The following SNTG1 variants were observed in gnomAD, a reference collection of about 807,000 sequenced individuals.
SNTG1 encodes gamma-1-syntrophin.
In SNTG1, 39 loss-of-function variants were observed where a neutral mutation model predicts 74.7. The ratio of observed to expected loss-of-function variants is 0.52; its 90% CI spans 0.40 to 0.68. SNTG1 has a LOEUF of 0.68. Ranked by LOEUF, SNTG1 falls within the 30% of genes least tolerant of loss-of-function variation. The pLI is 0.00. For missense variants in SNTG1, 685 were observed against 609.5 expected, an observed-to-expected ratio of 1.12 and a Z score of -1.30; for synonymous variants, 254 against 217.1, an observed-to-expected ratio of 1.17 and a Z score of -1.49.
intron 2 of SNTG1, among the ~76,000 whole-genome samples, chr8:50,384,012 C>T (rs929171102): frequency 4.6e-5 from 7 of 152,062 alleles, no homozygotes; most frequent in Admixed American, 2.6e-4. Context: ...AGAATAAGGT[C>T]GCAGGTACAG....
At chr8:50,287,119 T>C (rs535114224) in intron 2 of SNTG1, among the ~76,000 whole-genome samples, 51 of 152,250 alleles carry the variant, frequency 3.3e-4, no homozygotes, top group African/African-American at 1.2e-3. Flanking sequence ...AAATACTGGG[T>C]TCCCCTAGAG....
intron 1 of SNTG1, among the ~76,000 whole-genome samples, chr8:49,975,120 A>C (rs1007099210): frequency 1.3e-5 from 2 of 152,192 alleles, no homozygotes; most frequent in African/African-American, 2.4e-5. Flanking sequence ...ATGGACCTAG[A>C]GGTGGCTATG....
At chr8:50,714,696 A>C (rs2095470921) in intron 17 of SNTG1, among the ~76,000 whole-genome samples, 1 of 152,126 alleles carries the variant, frequency 6.6e-6, no homozygotes, top group African/African-American at 2.4e-5. Flanking sequence ...ACATCAGTAC[A>C]ATTGAAAGTT....
At chr8:50,255,700 C>T (rs1002067146) in intron 2 of SNTG1, among the ~76,000 whole-genome samples, 2 of 152,148 alleles carry the variant, frequency 1.3e-5, no homozygotes, top group African/African-American at 4.8e-5. Flanking sequence ...TCCTTTTTAT[C>T]AGAACATCAT....
chr8:50,007,696 G>T (rs937749553), intron 1 of SNTG1, among the ~76,000 whole-genome samples: 1 of 152,262 alleles, frequency 6.6e-6, no homozygotes, highest in South Asian at 2.1e-4. Context: ...TGAGCTAAGA[G>T]GGTGGGGAGA....
At chr8:50,102,653 G>A (rs945517485) in intron 1 of SNTG1, among the ~76,000 whole-genome samples, 2 of 149,358 alleles carry the variant, frequency 1.3e-5, no homozygotes, top group African/African-American at 5.1e-5. Flanking sequence ...GTCCTGAATG[G>A]TAATGCCTAG....
At chr8:50,707,211 A>C (rs997530460) in intron 16 of SNTG1, among the ~76,000 whole-genome samples, 1 of 152,082 alleles carries the variant, frequency 6.6e-6, no homozygotes, top group Admixed American at 6.5e-5. Context: ...AAAAAATTTT[A>C]ATACACTGCA....
intron 1 of SNTG1, among the ~76,000 whole-genome samples, chr8:49,990,061 C>T (rs1265777441): frequency 1.3e-5 from 2 of 151,808 alleles, no homozygotes; most frequent in African/African-American, 4.8e-5. Context: ...TGTGCTCTTG[C>T]CACTTCTATG....
chr8:50,252,059 T>C (rs954327704), intron 2 of SNTG1, among the ~76,000 whole-genome samples: 5 of 152,012 alleles, frequency 3.3e-5, no homozygotes, highest in Non-Finnish European at 5.9e-5. Context: ...AAGGAAGACT[T>C]CAAAAACCTT....
At chr8:49,937,031 T>C (rs938036133) in intron 1 of SNTG1, among the ~76,000 whole-genome samples, 6 of 151,974 alleles carry the variant, frequency 3.9e-5, no homozygotes, top group African/African-American at 1.4e-4. Flanking sequence ...CGCCTGTAAT[T>C]CCAGCTACTC....
intron 4 of SNTG1, among the ~76,000 whole-genome samples, chr8:50,403,122 TCAGAAGAAAATTACAGACAGTAG>T (rs1189855056): frequency 6.6e-6 from 1 of 152,224 alleles, no homozygotes. Flanking sequence ...GTATGTGATC[TCAGAAGAAAATTACAGACAGTAG>T]CATGTAGTCT....
intron 9 of SNTG1, among the ~76,000 whole-genome samples, chr8:50,527,271 ATTTTCTC>A (rs1474275452): frequency 1.3e-5 from 2 of 151,812 alleles, no homozygotes; most frequent in African/African-American, 4.8e-5. Context: ...AATTACGAAG[ATTTTCTC>A]TTAGTCTTTG....
At chr8:50,298,776 TC>T (rs2089506923) in intron 2 of SNTG1, among the ~76,000 whole-genome samples, 2 of 152,154 alleles carry the variant, frequency 1.3e-5, no homozygotes, top group Admixed American at 1.3e-4. Flanking sequence ...GGCAAACATT[TC>T]CTATTTTTGT....
intron 13 of SNTG1, among the ~76,000 whole-genome samples, chr8:50,656,557 T>G (rs2063237): frequency 0.21 from 31,950 of 152,088 alleles, 3,717 homozygotes; most frequent in African/African-American, 0.3. Context: ...ATGTCAGTAA[T>G]TGGTAAACAA....
chr8:50,347,436 C>T (rs10095465), intron 2 of SNTG1, among the ~76,000 whole-genome samples: 9,942 of 152,256 alleles, frequency 0.065, 352 homozygotes, highest in African/African-American at 0.072. Context: ...TGACAATGAA[C>T]TTGATCACCC....
intron 2 of SNTG1, among the ~76,000 whole-genome samples, chr8:50,309,417 G>T (rs1215867004): frequency 1.3e-5 from 2 of 151,846 alleles, no homozygotes; most frequent in Admixed American, 1.3e-4. Flanking sequence ...AGAAGAGAAA[G>T]TCAGATGGTT....
At chr8:50,449,307 G>C (rs2093434076) in intron 5 of SNTG1, among the ~76,000 whole-genome samples, 1 of 152,162 alleles carries the variant, frequency 6.6e-6, no homozygotes, top group African/African-American at 2.4e-5. Flanking sequence ...TGCCAGCACA[G>C]AATAACTTAG....
rs767351561 is a variant in SNTG1, at chr8:50,450,633, CATT to C, written c.321+36_321+38del. On this transcript the variant is annotated intron_variant, in intron 7 of 18. Transcript: ENST00000642720. ...TTTATCACTATATGTGTGGTCAAAA[CATT>C]AACTCAATTTACAATATGCCATGGG... 34 of 1,613,294 alleles carry C rather than the reference CATT, an allele frequency of 2.1e-5. 1 individual carries two copies. In the South Asian group the frequency reaches 3.6e-4, roughly 17 times the overall value.
intron 13 of SNTG1, among the ~76,000 whole-genome samples, chr8:50,636,956 C>T (rs190188608): frequency 6.6e-6 from 1 of 152,190 alleles, no homozygotes; most frequent in African/African-American, 2.4e-5. Flanking sequence ...GTCAACTTCC[C>T]TCCATAGCAT....
Sources: allele counts gnomAD v4.1 joint callset (sites outside exome capture counted in the v4.1 genomes callset), GRCh38; gene constraint gnomAD v4.1.1; transcripts MANE v1.5; gene names NCBI Gene and HGNC (gene_info 2026-07-23, HGNC 2026-07-21).